IL10RB: variants seen among roughly 807,000 people sequenced by gnomAD.
The protein encoded by IL10RB is interleukin-10 receptor subunit beta.
A neutral mutation model predicts 38.7 loss-of-function variants in IL10RB; 30 were observed. The ratio of observed to expected loss-of-function variants is 0.78; its 90% CI spans 0.58 to 1.05. The LOEUF is 1.05. Among genes scored for constraint, IL10RB ranks in the 50% least tolerant of loss-of-function variants. The pLI is 0.00. For missense variants in IL10RB, 328 were observed against 397.1 expected (o/e 0.83, Z 1.48); for synonymous variants, 142 against 145.9 (o/e 0.97, Z 0.19).
intron 6 of IL10RB, 115 bp downstream of exon 6, chr21:33,288,376 C>T (rs1200287515): frequency 5.4e-5 from 39 of 717,676 alleles, no homozygotes; most frequent in East Asian, 2.4e-4. Flanking sequence ...CACACACGCG[C>T]GCGCGCACAC....
intron 2 of IL10RB, among the ~76,000 whole-genome samples, chr21:33,271,912 CAG>C (rs1298510776): frequency 2.0e-5 from 3 of 151,632 alleles, no homozygotes; most frequent in African/African-American, 7.3e-5. Flanking sequence ...GGCAACATAG[CAG>C]CCTCTTGTCT....
chr21:33,298,064 G>C (rs1362790899), downstream of IL10RB, among the ~76,000 whole-genome samples: 2 of 152,128 alleles, frequency 1.3e-5, no homozygotes, highest in African/African-American at 2.4e-5. Context: ...GGGACCTCAG[G>C]CTTCTTTTCT....
chr21:33,290,881 G>T (rs760642077), intron 6 of IL10RB, among the ~76,000 whole-genome samples: 1 of 152,192 alleles, frequency 6.6e-6, no homozygotes, highest in Admixed American at 6.5e-5. Context: ...AGTAGCACTC[G>T]TTGCGCAGCT....
chr21:33,294,392 T>C (rs1033626242), intron 6 of IL10RB, among the ~76,000 whole-genome samples: 7 of 145,556 alleles, frequency 4.8e-5, no homozygotes, highest in East Asian at 4.1e-4. Flanking sequence ...TGTGTGTGCG[T>C]GTGTGTGTGT....
chr21:33,266,624 C>A, intron 1 of IL10RB, 110 bp downstream of exon 1: 1 of 1,101,528 alleles, frequency 9.1e-7, no homozygotes. Flanking sequence ...GCCTTCGGGG[C>A]CTCGGGAGAG....
chr21:33,305,691 C>A (rs1306406439), intron 1 of IL10RB, among the ~76,000 whole-genome samples: 1 of 152,186 alleles, frequency 6.6e-6, no homozygotes, highest in African/African-American at 2.4e-5. Context: ...AGGGGTCAGC[C>A]ACACAGCCCA....
chr21:33,281,647 A>C (rs1034727821), intron 4 of IL10RB, among the ~76,000 whole-genome samples: 16 of 152,096 alleles, frequency 1.1e-4, no homozygotes, highest in Non-Finnish European at 2.9e-5. Context: ...CAGCGGTGCG[A>C]TCTCAGCTTA....
intron 6 of IL10RB, among the ~76,000 whole-genome samples, chr21:33,290,310 T>TTA (rs141131519): frequency 1.3e-4 from 20 of 151,398 alleles, no homozygotes; most frequent in African/African-American, 2.7e-4. Flanking sequence ...ATTTTAAAAT[T>TTA]TATATATATA....
At chr21:33,293,556 C>G (rs1275499115) in intron 6 of IL10RB, among the ~76,000 whole-genome samples, 1 of 152,196 alleles carries the variant, frequency 6.6e-6, no homozygotes, top group East Asian at 1.9e-4. Flanking sequence ...CATGGTGGCT[C>G]ACACCTATAA....
At chr21:33,277,624 G>A (rs1280888096) in intron 3 of IL10RB, among the ~76,000 whole-genome samples, 5 of 149,670 alleles carry the variant, frequency 3.3e-5, no homozygotes, top group African/African-American at 1.2e-4. Flanking sequence ...CTGAGGTGGT[G>A]GATCACTTGA....
At chr21:33,295,711 AGTATCCCC>A (rs1375758728) in intron 6 of IL10RB, among the ~76,000 whole-genome samples, 2 of 149,830 alleles carry the variant, frequency 1.3e-5, no homozygotes, top group East Asian at 3.9e-4. Flanking sequence ...TATAGCAGTG[AGTATCCCC>A]ACTTGTAAAA....
chr21:33,270,282 C>T (rs1010078619), intron 2 of IL10RB, among the ~76,000 whole-genome samples: 2 of 152,086 alleles, frequency 1.3e-5, no homozygotes, highest in Non-Finnish European at 2.9e-5. Flanking sequence ...TGAATAGCCA[C>T]GGAGATTTTA....
chr21:33,307,517 G>A lies in IL10RB; in HGVS notation c.130-1459G>A, dbSNP rs557161331. Among the ~76,000 whole-genome samples the A allele has an allele frequency of 3.9e-5, 6 of 152,208 alleles. No homozygotes were observed. The South Asian group carries it at 1.0e-3, about 26-fold the overall frequency. On this transcript the variant is annotated intron_variant, in intron 1 of 1. Coordinates refer to the IL10RB transcript ENST00000609556. Reference sequence around the variant, plus strand: ...GTTCCCCAATAAACCACCCTTTACCGACAAACTGAATTTGTCTTCCTTGTT... The same window carrying A: ...GTTCCCCAATAAACCACCCTTTACCAACAAACTGAATTTGTCTTCCTTGTT...
At chr21:33,283,809 G>A (rs1041836304) in intron 5 of IL10RB, among the ~76,000 whole-genome samples, 1 of 152,020 alleles carries the variant, frequency 6.6e-6, no homozygotes, top group African/African-American at 2.4e-5. Context: ...AAAGAGAGAA[G>A]GTTCCCATGG....
intron 5 of IL10RB, among the ~76,000 whole-genome samples, chr21:33,286,950 C>T (rs1455448537): frequency 6.6e-6 from 1 of 152,046 alleles, no homozygotes; most frequent in Non-Finnish European, 1.5e-5. Context: ...TTTAAATCAG[C>T]TAAGGGGATG....
intron 1 of IL10RB, among the ~76,000 whole-genome samples, chr21:33,304,547 C>A (rs974183232): frequency 2.0e-5 from 3 of 152,234 alleles, no homozygotes; most frequent in South Asian, 2.1e-4. Flanking sequence ...GCTAACAGAG[C>A]ATCACTGATA....
rs569577115 is a variant in IL10RB, at chr21:33,274,060, A to G, written c.174-2536A>G. Among the ~76,000 whole-genome samples, 21 of 152,332 alleles carry G rather than the reference A, an allele frequency of 1.4e-4. No individual in the cohort carries two copies. In the South Asian group the frequency reaches 4.4e-3, roughly 32 times the overall value. ...CTCCTATGAATCACCAGTGTTCTTAATGGCATTTTGAATGGTGAATCCTTT... is the reference window on the plus strand; with the variant it reads ...CTCCTATGAATCACCAGTGTTCTTAGTGGCATTTTGAATGGTGAATCCTTT... On this transcript the variant is annotated intron_variant, in intron 2 of 6. Transcript: ENST00000290200.
intron 6 of IL10RB, among the ~76,000 whole-genome samples, chr21:33,290,529 G>T (rs1989465032): frequency 2.6e-5 from 4 of 152,170 alleles, no homozygotes. Context: ...TCCCCAGTAG[G>T]TCACTGGGCA....
In IL10RB at chr21:33,296,218, T is replaced by C. The variant is rs2082965278; in HGVS notation, c.839T>C (p.Phe280Ser). The C allele has an allele frequency of 3.1e-6, 5 of 1,614,170 alleles. No individual in the cohort carries two copies. The highest frequency in any genetic ancestry group is 4.2e-6 in the Non-Finnish European group (5 of 1,179,978). The change falls in exon 7 of 7, where the codon TTT becomes TCT. Residue 280 changes from phenylalanine (F) to serine (S), a missense_variant. Physicochemically the swap from Phe to Ser is radical, Grantham distance 155. Coordinates refer to ENST00000290200, the MANE Select transcript of IL10RB (RefSeq NM_000628.5). ...CATCCTCATCATAACACACTTCTGTTTTTCTCCTTTCCATTGTCGGATGAG... is the reference window on the plus strand; with the variant it reads ...CATCCTCATCATAACACACTTCTGTCTTTCTCCTTTCCATTGTCGGATGAG... ...LGHPHHNTLL[F>S]FSFPLSDEND...
Sources: allele counts gnomAD v4.1 joint callset (sites outside exome capture counted in the v4.1 genomes callset), GRCh38; gene constraint gnomAD v4.1.1; transcripts MANE v1.5; gene names NCBI Gene and HGNC (gene_info 2026-07-23, HGNC 2026-07-21).